XPNPEP3: variants seen among roughly 807,000 people sequenced by gnomAD.
The protein encoded by XPNPEP3 is xaa-Pro aminopeptidase 3.
XPNPEP3 carries 41 observed loss-of-function variants against 60.0 expected under a neutral mutation model. The observed-to-expected ratio is 0.68, with a 90% CI of 0.53 to 0.89. XPNPEP3 has a LOEUF of 0.89. Ranked by LOEUF, XPNPEP3 falls within the 40% of genes least tolerant of loss-of-function variation. The pLI, the probability that XPNPEP3 is intolerant of heterozygous loss-of-function variation, is 0.00. For missense variants in XPNPEP3, 598 were observed against 638.9 expected, an observed-to-expected ratio of 0.94 and a Z score of 0.69; for synonymous variants, 212 against 223.2, an observed-to-expected ratio of 0.95 and a Z score of 0.45.
intron 1 of XPNPEP3, 36 bp downstream of exon 1, chr22:40,857,281 T>TC: frequency 6.2e-7 from 1 of 1,612,298 alleles, no homozygotes; most frequent in Admixed American, 1.7e-5. Context: ...TCCCATGGTG[T>TC]CCCCTGGAGG....
chr22:40,908,583 T>C (rs554976892), intron 5 of XPNPEP3, among the ~76,000 whole-genome samples: 1 of 152,338 alleles, frequency 6.6e-6, no homozygotes, highest in South Asian at 2.1e-4. Flanking sequence ...CTCCATCCTG[T>C]ATCCTGGAAC....
Position 40,922,466 on chromosome 22 carries a change from A to G in XPNPEP3, c.1189A>G (p.Lys397Glu), listed in dbSNP as rs1262506232. The change falls in exon 8 of 10, where the codon AAA (lysine) becomes GAA (glutamate). Residue 397 changes from lysine to glutamate, a missense_variant. Lys to Glu is a moderately conservative substitution (Grantham distance 56). Transcript: ENST00000357137. Reference protein sequence around the residue: ...MMLTLIGQKLKDLGIMKNIKE... With the variant: ...MMLTLIGQKLEDLGIMKNIKE... ...GCTGACCCTGATAGGACAGAAGCTT[A>G]AAGACTTGGGGATCATGAAGAACAT... 2.5e-6 allele frequency: 4 copies of G among 1,614,096 alleles called. No individual in the cohort carries two copies.
At chr22:40,898,741 A>G (rs2058119746) in intron 4 of XPNPEP3, among the ~76,000 whole-genome samples, 1 of 152,184 alleles carries the variant, frequency 6.6e-6, no homozygotes, top group Non-Finnish European at 1.5e-5. Context: ...ATCTAACAGC[A>G]AAGTCACATA....
At chr22:40,914,386 TA>T in intron 7 of XPNPEP3, 62 bp downstream of exon 7, 1 of 1,382,760 alleles carries the variant, frequency 7.2e-7, no homozygotes, top group Non-Finnish European at 1.0e-6. Flanking sequence ...GGAATATGGC[TA>T]TATTTGGAAT....
intron 4 of XPNPEP3, among the ~76,000 whole-genome samples, chr22:40,907,372 G>A (rs1357981811): frequency 6.6e-6 from 1 of 151,906 alleles, no homozygotes; most frequent in African/African-American, 2.4e-5. Context: ...AGTGAGCCGA[G>A]ATCGCGCCAC....
chr22:40,882,401 C>T (rs1348676207), intron 3 of XPNPEP3, among the ~76,000 whole-genome samples: 1 of 152,168 alleles, frequency 6.6e-6, no homozygotes. Context: ...CTTTGGGAGG[C>T]CGAGGCAGAC....
chr22:40,895,084 G>T (rs866796567), intron 4 of XPNPEP3, among the ~76,000 whole-genome samples: 12 of 152,086 alleles, frequency 7.9e-5, no homozygotes, highest in Admixed American at 2.6e-4. Flanking sequence ...TTTTCATACA[G>T]AATTGCCCTC....
At chr22:40,923,340 G>A (rs1037123908) in intron 8 of XPNPEP3, among the ~76,000 whole-genome samples, 1 of 152,006 alleles carries the variant, frequency 6.6e-6, no homozygotes, top group South Asian at 2.1e-4. Context: ...CAAAGACCAT[G>A]TCATTAGTGA....
rs761298022 is a variant in XPNPEP3, at chr22:40,909,239, C to T, written c.969+4C>T. The T allele has an allele frequency of 3.1e-6, 5 of 1,611,380 alleles. No homozygotes were observed. Among genetic ancestry groups the T allele is most frequent in the East Asian group, 2.2e-5 (1 of 44,872 alleles). On this transcript the variant is annotated splice_donor_region_variant and intron_variant, in intron 6 of 9. Coordinates refer to ENST00000357137, the MANE Select transcript of XPNPEP3 (RefSeq NM_022098.4). ...GAAAAATAATCAACTCATCAAGGTA[C>T]GTGAGATGCCCTCAGTGCTACTCCC...
At chr22:40,903,410 T>G (rs1407386431) in intron 4 of XPNPEP3, among the ~76,000 whole-genome samples, 1 of 152,118 alleles carries the variant, frequency 6.6e-6, no homozygotes, top group East Asian at 1.9e-4. Context: ...TGTTCACTGC[T>G]AGCCCCAGCC....
chr22:40,908,942 G>A (rs2058166455), intron 5 of XPNPEP3, among the ~76,000 whole-genome samples, 180 bp from the exon 6 acceptor site: 1 of 152,202 alleles, frequency 6.6e-6, no homozygotes, highest in African/African-American at 2.4e-5. Context: ...AGTACACGGG[G>A]TGAGAATAAA....
At chr22:40,866,348 G>A (rs752217794) in intron 1 of XPNPEP3, among the ~76,000 whole-genome samples, 8 of 151,816 alleles carry the variant, frequency 5.3e-5, no homozygotes, top group Non-Finnish European at 7.4e-5. Context: ...TCATAGGAGC[G>A]TTGGGGAAGA....
intron 1 of XPNPEP3, among the ~76,000 whole-genome samples, chr22:40,863,362 A>G (rs1601487618): frequency 6.6e-6 from 1 of 152,156 alleles, no homozygotes; most frequent in East Asian, 1.9e-4. Flanking sequence ...GGCTCATTTT[A>G]TTGTCTGAGA....
chr22:40,860,641 C>T, intron 1 of XPNPEP3: 1 of 1,302,498 alleles, frequency 7.7e-7, no homozygotes, highest in South Asian at 1.5e-5. Context: ...AAACTCATTG[C>T]AGTTTTCCAA....
intron 4 of XPNPEP3, among the ~76,000 whole-genome samples, chr22:40,889,782 T>C (rs913593898): frequency 1.2e-4 from 19 of 152,200 alleles, no homozygotes; most frequent in African/African-American, 4.3e-4. Flanking sequence ...TGAAGTATTA[T>C]CACATCACTG....
chr22:40,889,951 C>T (rs1299950992), intron 4 of XPNPEP3, among the ~76,000 whole-genome samples: 1 of 152,134 alleles, frequency 6.6e-6, no homozygotes, highest in African/African-American at 2.4e-5. Context: ...CTGTACAGTC[C>T]TTTGGCCTCC....
intron 4 of XPNPEP3, among the ~76,000 whole-genome samples, chr22:40,901,806 C>T (rs886755573): frequency 2.6e-5 from 4 of 152,012 alleles, no homozygotes; most frequent in Non-Finnish European, 4.4e-5. Context: ...TAGGTAAACC[C>T]GTAGAGACAA....
At chr22:40,861,190 C>A in intron 1 of XPNPEP3, 1 of 1,614,032 alleles carries the variant, frequency 6.2e-7, no homozygotes, top group Non-Finnish European at 8.5e-7. Context: ...CAAGATATAC[C>A]TCCCTCATCA....
intron 7 of XPNPEP3, among the ~76,000 whole-genome samples, chr22:40,915,535 G>C (rs868465874): frequency 1.3e-5 from 2 of 150,354 alleles, no homozygotes; most frequent in Non-Finnish European, 3.0e-5. Context: ...CTGGGTGACA[G>C]AGTGAGACTC....
Sources: allele counts gnomAD v4.1 joint callset (sites outside exome capture counted in the v4.1 genomes callset), GRCh38; gene constraint gnomAD v4.1.1; transcripts MANE v1.5; gene names NCBI Gene and HGNC (gene_info 2026-07-23, HGNC 2026-07-21).